The following TASOR2 variants were observed in gnomAD, a reference collection of about 807,000 sequenced individuals.
TASOR2 encodes protein TASOR 2.
In TASOR2, 84 loss-of-function variants were observed where a neutral mutation model predicts 199.5. That is an observed-to-expected ratio of 0.42 (90% CI 0.35 to 0.50). The LOEUF is 0.50. TASOR2 is among the 20% of genes least tolerant of loss of function. TASOR2 has a pLI of 0.02. For missense variants in TASOR2, 2,796 were observed against 2,835.9 expected (o/e 0.99, Z 0.32); for synonymous variants, 1,103 against 1,046.6 (o/e 1.05, Z -1.04).
Position 5,699,229 on chromosome 10 carries a change from C to T in TASOR2, c.-287-13594C>T, listed in dbSNP as rs1036255376. The stretch of plus-strand genomic sequence containing the variant: ...GTGAAAGAAGCCAATCATGAAGGAC[C>T]GCGTGCTGTATGACTCTGTTTATAG... On this transcript the variant is annotated intron_variant, in intron 1 of 20. Transcript: ENST00000328090. This position sits in a 1 kb window ranked among gnomAD's most constrained non-coding sequence, Gnocchi z 4.1. Among the ~76,000 whole-genome samples, 6 of 152,056 alleles carry T rather than the reference C, an allele frequency of 3.9e-5. No individual in the cohort carries two copies. Among genetic ancestry groups the T allele is most frequent in the Non-Finnish European group, 8.8e-5 (6 of 67,980 alleles).
chr10:5,725,696 G>C (rs1833969266), intron 8 of TASOR2, among the ~76,000 whole-genome samples: 1 of 152,176 alleles, frequency 6.6e-6, no homozygotes, highest in Non-Finnish European at 1.5e-5. Context: ...TGGGAGGATA[G>C]CTTGAGCCTG....
At chr10:5,718,253 A>C in intron 3 of TASOR2, among the ~76,000 whole-genome samples, 1 of 152,014 alleles carries the variant, frequency 6.6e-6, no homozygotes. Flanking sequence ...ATTTTCACCC[A>C]AACAGAAGGG....
Position 5,720,525 on chromosome 10 carries a change from C to T in TASOR2, c.-99-19C>T. 6.4e-7 allele frequency: 1 copy of T among 1,563,206 alleles called. No individual in the cohort carries two copies. ...GTTCCATAGTGCTACCCTGATAATA[C>T]TTATTTTTCCTCTTTCAGTATTACT... On this transcript the variant is annotated intron_variant, in intron 3 of 20. Coordinates refer to ENST00000328090, the Ensembl canonical transcript of TASOR2. This position sits in a 1 kb window ranked among gnomAD's most constrained non-coding sequence, Gnocchi z 5.3.
At position 5,754,501 on chromosome 10, in the gene TASOR2, T is replaced by G. The variant is rs1402694567; in HGVS notation, c.6607-2112T>G. 6.6e-6 allele frequency among the ~76,000 whole-genome samples: 1 copy of G among 152,096 alleles called. No individual in the cohort carries two copies. The highest frequency in any genetic ancestry group is 2.4e-5 in the African/African-American group (1 of 41,450). ...GTCTTCTGGTTTCAAGTGATTCTCC[T>G]GCCTCACCTTCTCGAATAGCTGGGA... On this transcript the variant is annotated intron_variant, in intron 15 of 20. Transcript: ENST00000328090. This position sits in a 1 kb window ranked among gnomAD's most constrained non-coding sequence, Gnocchi z 4.3.
exon 15 of TASOR2, chr10:5,747,940 G>A (rs1163284357): frequency 1.2e-5 from 19 of 1,613,848 alleles, no homozygotes; most frequent in Non-Finnish European, 1.5e-5. Context: ...TGTCTCAAGT[G>A]AGCATGATGA....
At chr10:5,723,884 A>T in intron 7 of TASOR2, 107 bp downstream of exon 8, 1 of 602,724 alleles carries the variant, frequency 1.7e-6, no homozygotes, top group Non-Finnish European at 2.7e-6. Context: ...ATCATAAGTG[A>T]CTCTTAAAAG....
chr10:5,747,179 A>C (rs781512439), exon 15 of TASOR2: 2 of 1,614,130 alleles, frequency 1.2e-6, no homozygotes, highest in East Asian at 4.5e-5. Flanking sequence ...ATGAATTTGG[A>C]AGCGTTTGAT....
In TASOR2 at chr10:5,749,022, G is replaced by A. The variant is rs368964341; in HGVS notation, c.5601G>A (p.Glu1867=). ...AAGATGTTCCCACAGATGGCTATGA[G>A]TCGTCGTTGAACTTCCACAACAACA... Residue 1867 remains glutamate (E), a synonymous_variant, in exon 15 of 21, where the codon GAG becomes GAA. Transcript: ENST00000328090. 2.5e-5 allele frequency: 40 copies of A among 1,614,142 alleles called. No individual in the cohort carries two copies. The African/African-American group carries it at 4.9e-4, about 20-fold the overall frequency.
chr10:5,729,748 G>A (rs1284957591), intron 10 of TASOR2, among the ~76,000 whole-genome samples: 2 of 150,666 alleles, frequency 1.3e-5, no homozygotes, highest in African/African-American at 4.9e-5. Flanking sequence ...GTTTCTTGTG[G>A]CTTTATATTA....
chr10:5,715,372 A>G (rs1832492968), intron 2 of TASOR2, among the ~76,000 whole-genome samples: 1 of 152,132 alleles, frequency 6.6e-6, no homozygotes, highest in Non-Finnish European at 1.5e-5. Flanking sequence ...TCCCATGGCC[A>G]TTAGCAGTGA....
chr10:5,746,224 C>T lies in TASOR2; in HGVS notation c.2803C>T (p.Leu935Phe). The T allele has an allele frequency of 1.9e-6, 3 of 1,608,506 alleles. No individual in the cohort carries two copies. In the South Asian group the frequency reaches 3.3e-5, roughly 18 times the overall value. The change falls in exon 15 of 21, where the codon CTT (leucine) becomes TTT (phenylalanine). Residue 935 changes from leucine to phenylalanine, a missense_variant. Around this residue, in one of 3 missense-constraint regions of TASOR2, gnomAD observed 1,941 missense variants for 1,924.9 expected, o/e 1.01. Transcript: ENST00000328090. ...ACAAGAATCATTGGAGACTTCTAAT[C>T]TTGTGCTTTCGGGTATTGGAAGTAC...
chr10:5,727,490 T>G (rs11596832), intron 10 of TASOR2, among the ~76,000 whole-genome samples: 3,551 of 152,314 alleles, frequency 0.023, 101 homozygotes, highest in East Asian at 0.13. Flanking sequence ...TTAGTCCTTT[T>G]CATATCAAGC....
At position 5,719,010 on chromosome 10, in the gene TASOR2, C is replaced by T. The variant is rs1235703083; in HGVS notation, c.-100+1260C>T. ...CATTTTATTTCACAAAATCGAGCCG[C>T]ACCCAGAACCATAAAATGTTTGATG... On this transcript the variant is annotated intron_variant, in intron 3 of 20. Transcript: ENST00000328090. The surrounding 1 kb of genome is among the most constrained non-coding windows in gnomAD (Gnocchi z 4.1). Among the ~76,000 whole-genome samples, 6 of 152,118 alleles carry T rather than the reference C, an allele frequency of 3.9e-5. No homozygotes were observed. Among genetic ancestry groups the T allele is most frequent in the Admixed American group, 3.9e-4 (6 of 15,270 alleles).
rs763596979 is a variant in TASOR2, at chr10:5,749,687, C to G, written c.6266C>G (p.Ser2089Ter). The G allele has an allele frequency of 6.2e-7, 1 of 1,614,196 alleles. No homozygotes were observed. Among genetic ancestry groups the G allele is most frequent in the Non-Finnish European group, 8.5e-7 (1 of 1,180,032 alleles). ...AATTCTCAAAGAAATCACACTGTTT[C>G]ATTCCACCTCAACAAACTGAAATAC... The change falls in exon 15 of 21, where the codon TCA becomes TGA. Residue 2089 changes from serine (S) to a stop codon, truncating the protein, a stop_gained. Coordinates refer to ENST00000328090, the Ensembl canonical transcript of TASOR2. LOFTEE classifies it high-confidence loss of function.
In TASOR2 at chr10:5,699,878, A is replaced by G. The variant is rs553975449; in HGVS notation, c.-287-12945A>G. The G allele has an allele frequency of 5.6e-6, 2 of 357,200 alleles. No homozygotes were observed. The highest frequency in any genetic ancestry group is 1.2e-4 in the South Asian group (1 of 8,684). The allele number at this position is 357,200 out of a possible 1,614,324, so 22.1% of individuals were successfully genotyped here. ...ACAGTTTTAGGATACATGTGATAAT[A>G]CAGTCATATAATTTGTAGAGATCAA... On this transcript the variant is annotated intron_variant, in intron 1 of 20. Transcript: ENST00000328090. This position sits in a 1 kb window ranked among gnomAD's most constrained non-coding sequence, Gnocchi z 4.1.
Position 5,735,290 on chromosome 10 carries a change from C to T in TASOR2, c.1205-14C>T, listed in dbSNP as rs754310636. 6.2e-7 allele frequency: 1 copy of T among 1,607,360 alleles called. No individual in the cohort carries two copies. Among genetic ancestry groups the T allele is most frequent in the Non-Finnish European group, 8.5e-7 (1 of 1,178,082 alleles). On this transcript the variant is annotated splice_polypyrimidine_tract_variant and intron_variant, in intron 11 of 20. Transcript: ENST00000328090. ...CCCCTACCCCTTACAAAAATGATGTCTTTTCTACATAAGGTGCGGAAGTGC... is the reference window on the plus strand; with the variant it reads ...CCCCTACCCCTTACAAAAATGATGTTTTTTCTACATAAGGTGCGGAAGTGC...
chr10:5,736,956 GTTGTT>G (rs368624687), intron 12 of TASOR2, among the ~76,000 whole-genome samples: 8 of 151,984 alleles, frequency 5.3e-5, no homozygotes, highest in African/African-American at 9.7e-5. Context: ...AAATTGGATT[GTTGTT>G]TTGTTTTGTT....
rs762239828 is a variant in TASOR2, at chr10:5,720,709, C to T, written c.26+41C>T. 3 of 1,613,834 alleles carry T rather than the reference C, an allele frequency of 1.9e-6. No individual in the cohort carries two copies. The highest frequency in any genetic ancestry group is 2.5e-6 in the Non-Finnish European group (3 of 1,179,922). On this transcript the variant is annotated intron_variant, in intron 4 of 20. Coordinates refer to ENST00000328090, the Ensembl canonical transcript of TASOR2. This position sits in a 1 kb window ranked among gnomAD's most constrained non-coding sequence, Gnocchi z 5.3. Reference sequence around the variant, plus strand: ...CATGCTTTGTTTTACTGAATTTGTTCCTTTTACTCTTGTAAACATGTTCTT... The same window carrying T: ...CATGCTTTGTTTTACTGAATTTGTTTCTTTTACTCTTGTAAACATGTTCTT...
chr10:5,723,236 T>C (rs1305803054), intron 6 of TASOR2, among the ~76,000 whole-genome samples: 1 of 151,368 alleles, frequency 6.6e-6, no homozygotes, highest in Non-Finnish European at 1.5e-5. Flanking sequence ...TTTGTATTTT[T>C]AGTAGAGACG....
Sources: gnomAD v4.1 joint callset for allele counts (sites outside exome capture counted in the v4.1 genomes callset) on GRCh38, gnomAD v4.1.1 for gene constraint, gnomAD v4.1.1 regional missense constraint, Gnocchi (gnomAD v3.1) non-coding constraint, MANE v1.5 for transcripts, NCBI Gene and HGNC (gene_info 2026-07-23, HGNC 2026-07-21) for gene names.